The following FMN1 variants were observed in gnomAD, a reference collection of about 807,000 sequenced individuals.
FMN1 encodes the protein formin-1.
A neutral mutation model predicts 132.4 loss-of-function variants in FMN1; 110 were observed. The ratio of observed to expected loss-of-function variants is 0.83; its 90% CI spans 0.71 to 0.97. The LOEUF is 0.97. Among genes scored for constraint, FMN1 ranks in the 50% least tolerant of loss-of-function variants. The probability of loss-of-function intolerance (pLI) is 0.00; values close to 1 mark genes in which losing one functional copy is unlikely to be tolerated. For missense variants in FMN1, 1,792 were observed against 1,705.3 expected, an observed-to-expected ratio of 1.05 and a Z score of -0.90; for synonymous variants, 722 against 651.7, an observed-to-expected ratio of 1.11 and a Z score of -1.64.
intron 6 of FMN1, among the ~76,000 whole-genome samples, chr15:33,047,957 T>A (rs1384218943): frequency 6.6e-6 from 1 of 152,186 alleles, no homozygotes; most frequent in African/African-American, 2.4e-5. Context: ...TATATATATG[T>A]GCGCGTGTGT....
chr15:33,094,044 A>T (rs2038992660), intron 4 of FMN1, among the ~76,000 whole-genome samples: 1 of 149,032 alleles, frequency 6.7e-6, no homozygotes, highest in African/African-American at 2.4e-5. Context: ...TGCTATTTAG[A>T]GAAAGATATT....
intron 19 of FMN1, among the ~76,000 whole-genome samples, chr15:32,780,507 A>C (rs111351415): frequency 0.022 from 3,347 of 152,350 alleles, 94 homozygotes; most frequent in Admixed American, 0.072. Flanking sequence ...TCATCAAAAA[A>C]TAACCATAAA....
At position 33,066,953 on chromosome 15, in the gene FMN1, G is replaced by A. The variant is rs767921186; in HGVS notation, c.2044-1879C>T. ...CACTAAGGACTTCTGCACAGGCTGC[G>A]TCAATTTGAGCAAAGCTAAGTCCCC... is the stretch of plus-strand genomic sequence containing the variant. On this transcript the variant is annotated intron_variant, in intron 5 of 20. Transcript: ENST00000616417. 164 of 1,613,932 alleles carry A rather than the reference G, an allele frequency of 1.0e-4. 4 individuals are homozygous for A. In the East Asian group the frequency reaches 3.0e-3, roughly 29 times the overall value.
chr15:32,874,755 C>T (rs750086098), intron 16 of FMN1, among the ~76,000 whole-genome samples: 4 of 152,162 alleles, frequency 2.6e-5, no homozygotes, highest in Admixed American at 6.5e-5. Context: ...ATTTAAAATT[C>T]GCAGTGAACT....
intron 17 of FMN1, among the ~76,000 whole-genome samples, chr15:32,818,569 C>T (rs534925159): frequency 1.3e-5 from 2 of 152,338 alleles, no homozygotes; most frequent in East Asian, 3.9e-4. Context: ...AAATGTTTTA[C>T]ATGGCTACCA....
At chr15:33,099,151 T>C (rs1265008476) in intron 4 of FMN1, among the ~76,000 whole-genome samples, 1 of 151,804 alleles carries the variant, frequency 6.6e-6, no homozygotes, top group African/African-American at 2.4e-5. Flanking sequence ...GTTAGCCAGG[T>C]GGGGTGGCGC....
chr15:33,124,214 G>A lies in FMN1; in HGVS notation c.1867+28834C>T, dbSNP rs1382367929. Among the ~76,000 whole-genome samples, 5 of 152,104 alleles carry A rather than the reference G, an allele frequency of 3.3e-5. No homozygotes were observed. The South Asian group carries it at 8.3e-4, about 25-fold the overall frequency. On this transcript the variant is annotated intron_variant, in intron 4 of 20. Coordinates refer to ENST00000616417, the MANE Select transcript of FMN1 (RefSeq NM_001277313.2). The stretch of plus-strand genomic sequence containing the variant: ...ACGTGGCTTTTCAAAAGAAAAGTGA[G>A]GTGATGTTAAAGACAAAAAGGAAAC...
chr15:33,178,880 CT>C (rs1434109130), intron 3 of FMN1, among the ~76,000 whole-genome samples: 3 of 152,202 alleles, frequency 2.0e-5, no homozygotes, highest in African/African-American at 7.2e-5. Flanking sequence ...TAAAGCCTCT[CT>C]AAAGGGAAGA....
At chr15:33,009,451 A>C (rs916710222) in intron 6 of FMN1, among the ~76,000 whole-genome samples, 1 of 152,064 alleles carries the variant, frequency 6.6e-6, no homozygotes, top group Non-Finnish European at 1.5e-5. Flanking sequence ...GTTCCTACAT[A>C]TCTCTCCCTA....
chr15:33,079,230 G>A (rs984126888), intron 5 of FMN1, among the ~76,000 whole-genome samples: 8 of 152,212 alleles, frequency 5.3e-5, no homozygotes, highest in African/African-American at 1.9e-4. Flanking sequence ...AAATAAGAAT[G>A]TGTGTTATCA....
chr15:33,001,718 TC>T (rs2034130071), intron 7 of FMN1, among the ~76,000 whole-genome samples: 1 of 79,108 alleles, frequency 1.3e-5, no homozygotes, highest in Non-Finnish European at 2.4e-5. Flanking sequence ...CCCCTCCTCC[TC>T]CTCCTCCTCT....
intron 4 of FMN1, among the ~76,000 whole-genome samples, chr15:33,128,162 G>A (rs77685385): frequency 0.064 from 9,332 of 146,286 alleles, 306 homozygotes; most frequent in Middle Eastern, 0.11. Context: ...GAAGTAGGAT[G>A]GAGAAATAAA....
chr15:33,021,154 G>C (rs936154543), intron 6 of FMN1, among the ~76,000 whole-genome samples: 5 of 152,166 alleles, frequency 3.3e-5, no homozygotes, highest in Admixed American at 6.5e-5. Flanking sequence ...CCCAGAGAAA[G>C]ATACATGGTG....
At position 32,773,566 on chromosome 15, in the gene FMN1, A is replaced by G. The variant is rs2056319299; in HGVS notation, c.*744T>C. 1 of 152,210 alleles carries G rather than the reference A, an allele frequency of 6.6e-6. No homozygotes were observed. The highest frequency in any genetic ancestry group is 2.4e-5 in the African/African-American group (1 of 41,446). 9.4% of individuals were successfully genotyped at this position (152,210 alleles called of 1,614,324 possible). The stretch of plus-strand genomic sequence containing the variant: ...GGTGCAGAATCTCTGCTGGCCCAGA[A>G]AAACCACAAAGGACCGATGTAAAAA... On this transcript the variant is annotated 3_prime_UTR_variant, in exon 21 of 21. Coordinates refer to ENST00000616417, the MANE Select transcript of FMN1 (RefSeq NM_001277313.2).
chr15:32,789,908 T>A (rs1408464193), intron 19 of FMN1, among the ~76,000 whole-genome samples: 1 of 152,220 alleles, frequency 6.6e-6, no homozygotes, highest in Non-Finnish European at 1.5e-5. Context: ...CTAAGAACAC[T>A]AGGTTATGCC....
At chr15:33,058,996 C>A (rs2037361595) in intron 6 of FMN1, among the ~76,000 whole-genome samples, 2 of 152,182 alleles carry the variant, frequency 1.3e-5, no homozygotes, top group African/African-American at 4.8e-5. Context: ...TCTATTTCTC[C>A]TGTTTATCTA....
intron 3 of FMN1, among the ~76,000 whole-genome samples, chr15:33,176,595 T>C (rs1300011833): frequency 6.6e-6 from 1 of 151,908 alleles, no homozygotes; most frequent in Non-Finnish European, 1.5e-5. Context: ...GGATAATTTG[T>C]CTTTAAGCAC....
chr15:32,838,105 A>G (rs2058668130), intron 17 of FMN1, among the ~76,000 whole-genome samples: 2 of 152,202 alleles, frequency 1.3e-5, no homozygotes, highest in Non-Finnish European at 2.9e-5. Context: ...CACGTTCACA[A>G]CAATGTTGGG....
chr15:32,922,965 C>G (rs2140333199), intron 10 of FMN1, among the ~76,000 whole-genome samples: 1 of 152,230 alleles, frequency 6.6e-6, no homozygotes, highest in South Asian at 2.1e-4. Flanking sequence ...GTGGAGAAAA[C>G]AATCAATAAA....
Sources: allele counts gnomAD v4.1 joint callset (sites outside exome capture counted in the v4.1 genomes callset), GRCh38; gene constraint gnomAD v4.1.1; transcripts MANE v1.5; gene names NCBI Gene and HGNC (gene_info 2026-07-23, HGNC 2026-07-21).